The following ATL1 variants were observed in gnomAD, a reference collection of about 807,000 sequenced individuals.
ATL1 encodes the protein atlastin-1.
In ATL1, 31 loss-of-function variants were observed where a neutral mutation model predicts 75.5. The ratio of observed to expected loss-of-function variants is 0.41; its 90% confidence interval spans 0.31 to 0.55. The LOEUF (loss-of-function observed/expected upper bound fraction) is 0.55, where lower values mean the gene tolerates loss of function less well. ATL1 is among the 20% of genes least tolerant of loss of function. The pLI, the probability that ATL1 is intolerant of heterozygous loss-of-function variation, is 0.27. For missense variants in ATL1, 405 were observed against 662.6 expected (o/e 0.61, Z 4.27); for synonymous variants, 226 against 233.3 (o/e 0.97, Z 0.28).
chr14:50,556,512 C>G (rs2140167782), upstream of ATL1, among the ~76,000 whole-genome samples: 1 of 152,278 alleles, frequency 6.6e-6, no homozygotes, highest in South Asian at 2.1e-4. Context: ...GCCACTGCAC[C>G]CAGCCTAATC....
intron 6 of ATL1, among the ~76,000 whole-genome samples, chr14:50,604,710 G>A (rs1365318873): frequency 6.6e-6 from 1 of 152,080 alleles, no homozygotes; most frequent in Non-Finnish European, 1.5e-5. Context: ...TTCTTGAACT[G>A]GAGAAACACA....
intron 13 of ATL1, 50 bp downstream of exon 13, chr14:50,630,059 A>G: frequency 1.5e-6 from 2 of 1,330,494 alleles, no homozygotes; most frequent in South Asian, 1.3e-5. Context: ...AAACATTATG[A>G]TATTATTTTA....
intron 6 of ATL1, among the ~76,000 whole-genome samples, chr14:50,612,824 A>T (rs2039378404): frequency 6.6e-6 from 1 of 152,132 alleles, no homozygotes. Context: ...TGATGCGCAT[A>T]CATACATATC....
intron 6 of ATL1, among the ~76,000 whole-genome samples, chr14:50,611,919 G>A (rs564452091): frequency 1.2e-4 from 19 of 152,138 alleles, no homozygotes; most frequent in Non-Finnish European, 2.4e-4. Flanking sequence ...AGTTATAAAC[G>A]CAAAAGAAAG....
intron 1 of ATL1, among the ~76,000 whole-genome samples, chr14:50,544,455 G>A (rs996969054): frequency 1.3e-5 from 2 of 152,190 alleles, no homozygotes; most frequent in African/African-American, 4.8e-5. Flanking sequence ...TTTAGGCTTG[G>A]ACAATTCTGG....
intron 6 of ATL1, among the ~76,000 whole-genome samples, chr14:50,612,220 TAA>T (rs2039372992): frequency 6.6e-6 from 1 of 152,148 alleles, no homozygotes; most frequent in Non-Finnish European, 1.5e-5. Context: ...CTGATGCTGT[TAA>T]AAGTCAGGCA....
At chr14:50,624,059 A>G (rs185998557) in intron 11 of ATL1, among the ~76,000 whole-genome samples, 2 of 152,184 alleles carry the variant, frequency 1.3e-5, no homozygotes, top group Non-Finnish European at 2.9e-5. Context: ...TGTCTCAAAA[A>G]ACAAAATGTT....
At chr14:50,561,994 T>G (rs2038851079) in intron 1 of ATL1, among the ~76,000 whole-genome samples, 1 of 152,146 alleles carries the variant, frequency 6.6e-6, no homozygotes, top group African/African-American at 2.4e-5. Flanking sequence ...GATTAAAATT[T>G]TTCTCCTTTA....
intron 6 of ATL1, among the ~76,000 whole-genome samples, chr14:50,604,692 A>G (rs2039300900): frequency 6.6e-6 from 1 of 152,148 alleles, no homozygotes; most frequent in South Asian, 2.1e-4. Flanking sequence ...TATACTGGGC[A>G]TGGCCCCTTC....
chr14:50,625,065 G>C (rs2039504299), intron 11 of ATL1, among the ~76,000 whole-genome samples: 1 of 131,710 alleles, frequency 7.6e-6, no homozygotes, highest in Non-Finnish European at 1.6e-5. Flanking sequence ...ACTGAGTGAG[G>C]CTCTGTCTGA....
intron 1 of ATL1, chr14:50,572,215 G>T: frequency 3.7e-6 from 1 of 273,026 alleles, no homozygotes; most frequent in South Asian, 4.3e-5. Flanking sequence ...TGATATCAAG[G>T]TATCAAGGTT....
intron 1 of ATL1, among the ~76,000 whole-genome samples, chr14:50,583,432 A>G (rs1443880509): frequency 1.3e-5 from 2 of 152,244 alleles, no homozygotes; most frequent in Non-Finnish European, 1.5e-5. Flanking sequence ...AACAACAACT[A>G]GAAAGTATAA....
chr14:50,571,680 G>T (rs192319874), intron 1 of ATL1, among the ~76,000 whole-genome samples: 1 of 152,040 alleles, frequency 6.6e-6, no homozygotes, highest in Admixed American at 6.5e-5. Flanking sequence ...ATAAATCCAG[G>T]CTAGTCATGT....
At chr14:50,612,450 A>G (rs1451874858) in intron 6 of ATL1, among the ~76,000 whole-genome samples, 1 of 152,152 alleles carries the variant, frequency 6.6e-6, no homozygotes, top group Non-Finnish European at 1.5e-5. Context: ...TCCCAGCTCA[A>G]TGTTTTCCAA....
chr14:50,580,829 C>T (rs1420013411), intron 1 of ATL1, among the ~76,000 whole-genome samples: 2 of 152,036 alleles, frequency 1.3e-5, no homozygotes, highest in African/African-American at 4.8e-5. Flanking sequence ...GAAGCTGAGC[C>T]TGGAATTTCC....
rs2039396271 is a variant in ATL1, at chr14:50,614,518, G to A, written c.862+7G>A. ...TTTGATGGAAAATTGAAAGGTTTGT[G>A]TCTTTTAATGAATATGTTTGCATCA... On this transcript the variant is annotated splice_region_variant and intron_variant, in intron 8 of 13. Transcript: ENST00000358385. The A allele has an allele frequency of 6.2e-7, 1 of 1,613,342 alleles. No homozygotes were observed. Among genetic ancestry groups the A allele is most frequent in the South Asian group, 1.1e-5 (1 of 91,062 alleles).
intron 5 of ATL1, 94 bp downstream of exon 5, chr14:50,593,990 C>A: frequency 1.0e-6 from 1 of 957,432 alleles, no homozygotes; most frequent in Non-Finnish European, 1.6e-6. Flanking sequence ...TAATCAGATT[C>A]TGATTCTGCT....
intron 7 of ATL1, 127 bp downstream of exon 7, chr14:50,613,478 C>T: frequency 1.4e-6 from 1 of 729,860 alleles, no homozygotes; most frequent in Non-Finnish European, 2.4e-6. Flanking sequence ...ATTAATGACA[C>T]AGGTGAAGAA....
chr14:50,596,331 A>T, intron 6 of ATL1, among the ~76,000 whole-genome samples: 1 of 152,154 alleles, frequency 6.6e-6, no homozygotes, highest in Middle Eastern at 3.2e-3. Flanking sequence ...CTAAATTTGT[A>T]TGACATATAG....
Sources: gnomAD v4.1 joint callset for allele counts (sites outside exome capture counted in the v4.1 genomes callset) on GRCh38, gnomAD v4.1.1 for gene constraint, MANE v1.5 for transcripts, NCBI Gene and HGNC (gene_info 2026-07-23, HGNC 2026-07-21) for gene names.